The following FNDC3B variants were observed in gnomAD, a reference collection of about 807,000 sequenced individuals.
FNDC3B encodes fibronectin type III domain-containing protein 3B.
A neutral mutation model predicts 151.5 loss-of-function variants in FNDC3B; 12 were observed. The ratio of observed to expected loss-of-function variants is 0.08; its 90% CI spans 0.05 to 0.13. The LOEUF is 0.13. Ranked by LOEUF, FNDC3B falls within the 10% of genes least tolerant of loss-of-function variation. FNDC3B has a pLI of 1.00. For synonymous variants in FNDC3B, 528 were observed against 549.0 expected, an observed-to-expected ratio of 0.96 and a Z score of 0.54; for missense variants, 1,214 against 1,505.3, an observed-to-expected ratio of 0.81 and a Z score of 3.20.
intron 1 of FNDC3B, among the ~76,000 whole-genome samples, chr3:172,054,549 C>T (rs1267146295): frequency 6.6e-6 from 1 of 152,212 alleles, no homozygotes; most frequent in Non-Finnish European, 1.5e-5. Context: ...GCTGTATTGC[C>T]TAAAAACCGT....
chr3:172,087,233 A>G (rs1006991397), intron 1 of FNDC3B, among the ~76,000 whole-genome samples: 5 of 152,182 alleles, frequency 3.3e-5, no homozygotes, highest in Admixed American at 1.3e-4. Context: ...TACCTTGCCT[A>G]TATTATAAAC....
chr3:172,394,105 C>CAAAAAAAAAAAAAA, intron 25 of FNDC3B, among the ~76,000 whole-genome samples: 1 of 6,228 alleles, frequency 1.6e-4, no homozygotes, highest in Non-Finnish European at 4.5e-4. Context: ...GAGACTCCTT[C>CAAAAAAAAAAAAAA]TAAAAAAAAA....
At chr3:172,200,566 A>G (rs1308328948) in intron 3 of FNDC3B, among the ~76,000 whole-genome samples, 1 of 152,230 alleles carries the variant, frequency 6.6e-6, no homozygotes, top group Non-Finnish European at 1.5e-5. Context: ...TGTTTATGTT[A>G]GATGCGTTCA....
rs772592498 is a variant in FNDC3B, at chr3:172,295,381, A to G, written c.868A>G (p.Arg290Gly). ...TCCTCAGGTTTCTAATATTCAGGCAAGAGCAGTTGTGTTGTCCTGGGCTCC... is the reference window on the plus strand; with the variant it reads ...TCCTCAGGTTTCTAATATTCAGGCAGGAGCAGTTGTGTTGTCCTGGGCTCC... ...EKPQVSNIQA[R>G]AVVLSWAPPV... Residue 290 changes from arginine (R) to glycine (G), a missense_variant, in exon 8 of 26, where the codon AGA becomes GGA. Physicochemically the swap from Arg to Gly is moderately radical, Grantham distance 125. This residue lies in a region of FNDC3B where 156 missense variants were observed against 225.3 expected (regional missense o/e 0.69). Transcript: ENST00000415807. 1.2e-6 allele frequency: 2 copies of G among 1,610,968 alleles called. No homozygotes were observed. Among genetic ancestry groups the G allele is most frequent in the Admixed American group, 1.7e-5 (1 of 59,114 alleles).
chr3:172,257,569 TACACACAC>T (rs10582558), intron 6 of FNDC3B, among the ~76,000 whole-genome samples: 32,004 of 143,776 alleles, frequency 0.22, 3,483 homozygotes, highest in East Asian at 0.36. Context: ...CACGCATTCA[TACACACAC>T]ACACACACAC....
chr3:172,249,974 T>G (rs891368103), intron 5 of FNDC3B, among the ~76,000 whole-genome samples: 4 of 148,382 alleles, frequency 2.7e-5, no homozygotes, highest in Non-Finnish European at 6.0e-5. Context: ...ATTATTGATA[T>G]TCCTTCCTTT....
intron 1 of FNDC3B, among the ~76,000 whole-genome samples, chr3:172,097,815 T>C (rs927123336): frequency 2.0e-5 from 3 of 152,230 alleles, no homozygotes; most frequent in Admixed American, 6.5e-5. Flanking sequence ...TTATTTATGA[T>C]GGGCATGGAT....
intron 1 of FNDC3B, among the ~76,000 whole-genome samples, chr3:172,067,807 C>G (rs1011268802): frequency 1.3e-5 from 2 of 152,178 alleles, no homozygotes; most frequent in African/African-American, 2.4e-5. Flanking sequence ...CTAGGGAAAC[C>G]AGTTTGTTTC....
chr3:172,296,850 T>G (rs1486725172), intron 8 of FNDC3B, among the ~76,000 whole-genome samples: 1 of 152,122 alleles, frequency 6.6e-6, no homozygotes, highest in Non-Finnish European at 1.5e-5. Flanking sequence ...CCTGTGGATA[T>G]GCAGGGCCAA....
At chr3:172,293,312 C>T (rs541494394) in intron 7 of FNDC3B, among the ~76,000 whole-genome samples, 80 of 152,012 alleles carry the variant, frequency 5.3e-4, no homozygotes, top group African/African-American at 1.4e-3. Flanking sequence ...GTCACAGCAT[C>T]GTGGTGCAGA....
intron 13 of FNDC3B, 88 bp downstream of exon 13, chr3:172,330,803 C>A: frequency 9.4e-7 from 1 of 1,062,148 alleles, no homozygotes; most frequent in Non-Finnish European, 1.4e-6. Flanking sequence ...AGATTAACTG[C>A]ATCAGTTCAA....
intron 3 of FNDC3B, among the ~76,000 whole-genome samples, chr3:172,222,237 A>G (rs932818490): frequency 1.2e-4 from 18 of 152,374 alleles, no homozygotes; most frequent in East Asian, 1.9e-4. Flanking sequence ...ATCAGATTAT[A>G]GACAAGCACA....
intron 25 of FNDC3B, among the ~76,000 whole-genome samples, chr3:172,382,650 G>A (rs144234146): frequency 6.6e-6 from 1 of 151,966 alleles, no homozygotes; most frequent in Non-Finnish European, 1.5e-5. Context: ...TTGTATAAGG[G>A]GTAAGGAAGG....
intron 21 of FNDC3B, among the ~76,000 whole-genome samples, chr3:172,348,813 C>A (rs74828212): frequency 6.6e-6 from 1 of 152,190 alleles, no homozygotes; most frequent in East Asian, 1.9e-4. Flanking sequence ...TGAGTCAGAT[C>A]TTATGAAGGG....
chr3:172,139,534 G>A (rs553133358), intron 3 of FNDC3B, among the ~76,000 whole-genome samples: 1 of 152,260 alleles, frequency 6.6e-6, no homozygotes, highest in South Asian at 2.1e-4. Context: ...TTTGCAACCA[G>A]TTTTTTGATT....
At chr3:172,148,582 G>A (rs1722047761) in intron 3 of FNDC3B, 1 of 152,160 alleles carries the variant, frequency 6.6e-6, no homozygotes, top group Non-Finnish European at 1.5e-5. Context: ...TGAGTGAATT[G>A]GCTCCATAGT....
intron 22 of FNDC3B, among the ~76,000 whole-genome samples, chr3:172,357,036 A>G (rs1394767481): frequency 6.6e-6 from 1 of 152,222 alleles, no homozygotes; most frequent in Non-Finnish European, 1.5e-5. Context: ...GTATATGTAT[A>G]TATTTAAAGT....
intron 1 of FNDC3B, among the ~76,000 whole-genome samples, chr3:172,075,594 T>C (rs1373278263): frequency 6.6e-6 from 1 of 152,158 alleles, no homozygotes; most frequent in Non-Finnish European, 1.5e-5. Context: ...TTTTTGTTGT[T>C]GAAACATGTC....
intron 3 of FNDC3B, among the ~76,000 whole-genome samples, chr3:172,174,129 T>G (rs1037507993): frequency 1.1e-4 from 17 of 152,182 alleles, no homozygotes; most frequent in Non-Finnish European, 1.5e-5. Context: ...CACCTCTGCA[T>G]GCAGAATGAC....
Sources: gnomAD v4.1 joint callset for allele counts (sites outside exome capture counted in the v4.1 genomes callset) on GRCh38, gnomAD v4.1.1 for gene constraint, gnomAD v4.1.1 regional missense constraint, MANE v1.5 for transcripts, NCBI Gene and HGNC (gene_info 2026-07-23, HGNC 2026-07-21) for gene names.